HGS: variants seen among roughly 807,000 people sequenced by gnomAD.
The protein encoded by HGS is hepatocyte growth factor-regulated tyrosine kinase substrate, also known as human growth factor-regulated tyrosine kinase substrate.
In HGS, 63 loss-of-function variants were observed where a neutral mutation model predicts 109.7. The ratio of observed to expected loss-of-function variants is 0.57; its 90% CI spans 0.47 to 0.71. HGS has a LOEUF of 0.71. Ranked by LOEUF, HGS falls within the 30% of genes least tolerant of loss-of-function variation. HGS has a pLI of 0.00. For missense variants in HGS, 995 were observed against 1,068.3 expected, an observed-to-expected ratio of 0.93 and a Z score of 0.96; for synonymous variants, 546 against 437.3, an observed-to-expected ratio of 1.25 and a Z score of -3.10.
In HGS at chr17:81,700,535, C is replaced by A; in HGVS notation, c.1951C>A (p.Gln651Lys). 6.2e-7 allele frequency: 1 copy of A among 1,610,390 alleles called. No individual in the cohort carries two copies. The highest frequency in any genetic ancestry group is 8.5e-7 in the Non-Finnish European group (1 of 1,178,276). ...ATGAQAAPQA[Q>K]AGPTASPAYS... ...TGGGGCGCAGGCGGCCCCCCAGGCC[C>A]AGGCCGGACCCACCGCCAGCCCCGC... Residue 651 changes from glutamine to lysine, a missense_variant, in exon 19 of 22, where the codon CAG (glutamine) becomes AAG (lysine). Transcript: ENST00000329138.
rs1159722586 is a variant in HGS at position 81,693,788 on chromosome 17, C to T, written c.840+36C>T. 7 of 1,541,056 alleles carry T rather than the reference C, an allele frequency of 4.5e-6. No individual in the cohort carries two copies. The South Asian group carries it at 8.4e-5, about 18-fold the overall frequency. Reference sequence around the variant, plus strand: ...TGGGGCGGGGCGGCCTCAGGAGGGGCCCAGCTCCCCTGGATGTGCTGCGGT... The same window carrying T: ...TGGGGCGGGGCGGCCTCAGGAGGGGTCCAGCTCCCCTGGATGTGCTGCGGT... On this transcript the variant is annotated intron_variant, in intron 10 of 21. Coordinates refer to ENST00000329138, the MANE Select transcript of HGS (RefSeq NM_004712.5).
At chr17:81,690,600 G>A in intron 6 of HGS, 74 bp from the exon 7 acceptor site, 1 of 1,449,308 alleles carries the variant, frequency 6.9e-7, no homozygotes, top group African/African-American at 1.4e-5. Flanking sequence ...GCCTTCTGTG[G>A]GGCAGGGGAG....
chr17:81,687,258 G>A (rs1031030800), intron 4 of HGS, among the ~76,000 whole-genome samples, 163 bp downstream of exon 4: 3 of 152,230 alleles, frequency 2.0e-5, no homozygotes, highest in African/African-American at 7.2e-5. Context: ...ATGAGTCGGA[G>A]AGACAGGGCC....
intron 4 of HGS, among the ~76,000 whole-genome samples, chr17:81,687,368 C>T (rs780229085): frequency 6.6e-6 from 1 of 152,136 alleles, no homozygotes; most frequent in Non-Finnish European, 1.5e-5. Context: ...CTGGGGGAAG[C>T]TTCCGGGAGG....
At chr17:81,687,433 C>T (rs2036997116) in intron 4 of HGS, among the ~76,000 whole-genome samples, 2 of 152,126 alleles carry the variant, frequency 1.3e-5, no homozygotes, top group Admixed American at 1.3e-4. Flanking sequence ...ACTGGGTGGG[C>T]AGGGCAGGTG....
At chr17:81,699,101 T>G (rs534051720) in intron 18 of HGS, among the ~76,000 whole-genome samples, 1 of 152,200 alleles carries the variant, frequency 6.6e-6, no homozygotes, top group South Asian at 2.1e-4. Context: ...TTAATTCCAG[T>G]ACTTGCAATT....
At chr17:81,699,514 C>T (rs1803759500) in intron 18 of HGS, among the ~76,000 whole-genome samples, 1 of 152,228 alleles carries the variant, frequency 6.6e-6, no homozygotes, top group African/African-American at 2.4e-5. Context: ...CATTCTCCGC[C>T]TCCCAGGTTC....
At chr17:81,697,795 C>T (rs372538577) in intron 18 of HGS, 2 of 152,212 alleles carry the variant, frequency 1.3e-5, no homozygotes, top group African/African-American at 4.8e-5. Flanking sequence ...TCGTCAGTCA[C>T]AGCAGCGTGG....
Position 81,687,087 on chromosome 17 carries a change from C to G in HGS, c.283C>G (p.Leu95Val), listed in dbSNP as rs145530369. 2.0e-4 allele frequency: 321 copies of G among 1,612,576 alleles called. 1 individual carries two copies. In the African/African-American group the frequency reaches 3.5e-3, roughly 17 times the overall value. ...NKQTMEELKD[L>V]LKRQVEVNVR... Reference sequence around the variant, plus strand: ...GCAGACCATGGAGGAGCTGAAGGACCTGCTGAAGGTGGGTGAGACGGGGGC... The same window carrying G: ...GCAGACCATGGAGGAGCTGAAGGACGTGCTGAAGGTGGGTGAGACGGGGGC... Residue 95 changes from leucine to valine, a missense_variant, in exon 4 of 22, where the codon CTG becomes GTG. Leu to Val is a conservative substitution (Grantham distance 32, BLOSUM62 1). Coordinates refer to ENST00000329138, the MANE Select transcript of HGS (RefSeq NM_004712.5).
In HGS at chr17:81,701,739, T is replaced by C. The variant is rs2037241625; in HGVS notation, c.*121T>C. On this transcript the variant is annotated 3_prime_UTR_variant, in exon 22 of 22. Transcript: ENST00000329138. Reference sequence around the variant, plus strand: ...GCCGGTAGTGTCCCTTCTCTGCGAGTGAGGGGGGGCCTTCACCCCAAGCCC... The same window carrying C: ...GCCGGTAGTGTCCCTTCTCTGCGAGCGAGGGGGGGCCTTCACCCCAAGCCC... The C allele has an allele frequency of 5.0e-6, 7 of 1,394,414 alleles. No individual in the cohort carries two copies. The South Asian group carries it at 1.0e-4, about 20-fold the overall frequency. The allele number at this position is 1,394,414 out of a possible 1,614,324, so 86.4% of individuals were successfully genotyped here.
Position 81,693,552 on chromosome 17 carries a change from C to G in HGS, c.712C>G (p.Leu238Val), listed in dbSNP as rs1053513589. The G allele has an allele frequency of 2.5e-6, 4 of 1,612,824 alleles. No individual in the cohort carries two copies. In the Admixed American group the frequency reaches 6.7e-5, roughly 27 times the overall value. Residue 238 changes from leucine (L) to valine (V), a missense_variant, in exon 9 of 22, where the codon CTG (leucine) becomes GTG (valine). Transcript: ENST00000329138. ...CACCACTGAGCTGCCCCCCGAGTAC[C>G]TGACCAGCCCCCTGTCTCAGCAGTC... ...TSTTELPPEY[L>V]TSPLSQQSQL...
chr17:81,684,139 AGCCCGCAGCCTCC>A, intron 1 of HGS, 36 bp downstream of exon 1: 1 of 1,489,194 alleles, frequency 6.7e-7, no homozygotes. Context: ...GGCCTTGGTC[AGCCCGCAGCCTCC>A]GCCCGGCGCT....
At chr17:81,686,501 G>A (rs2051466277) in intron 3 of HGS, 114 bp downstream of exon 3, 1 of 730,322 alleles carries the variant, frequency 1.4e-6, no homozygotes, top group Non-Finnish European at 2.4e-6. Context: ...CATACATCAA[G>A]CAGGAGAGTT....
At position 81,695,001 on chromosome 17, in the gene HGS, C is replaced by T. The variant is rs375683197; in HGVS notation, c.1053C>T (p.Pro351=). The T allele has an allele frequency of 1.2e-5, 20 of 1,614,090 alleles. No homozygotes were observed. In the African/African-American group the frequency reaches 1.5e-4, roughly 12 times the overall value. The change falls in exon 13 of 22, where the codon CCC becomes CCT. Residue 351 remains proline (P), a synonymous_variant. Coordinates refer to ENST00000329138, the MANE Select transcript of HGS (RefSeq NM_004712.5). ...EARKSPTPSA[P]VPLTEPAAQP... ...GCAAGAGCCCCACGCCATCTGCGCC[C>T]GTGCCCCTGACGGAGCCGGCTGCAC...
rs1295504141 is a variant in HGS at position 81,695,827 on chromosome 17, G to A, written c.1221G>A (p.Gln407=). Residue 407 remains glutamine (Q), a synonymous_variant, in exon 15 of 22, where the codon CAG becomes CAA. Coordinates refer to ENST00000329138, the MANE Select transcript of HGS (RefSeq NM_004712.5). ...GCGAGTCTGAGGAGAGCCACGAGCA[G>A]TTCCTGAAGGCGCTGCAGAACGCCG... The part of the protein sequence containing the change: ...HNGESEESHE[Q]FLKALQNAVT... 1 of 1,613,472 alleles carries A rather than the reference G, an allele frequency of 6.2e-7. No individual in the cohort carries two copies. Among genetic ancestry groups the A allele is most frequent in the African/African-American group, 1.3e-5 (1 of 74,950 alleles).
At position 81,695,867 on chromosome 17, in the gene HGS, A is replaced by C. The variant is rs767174835; in HGVS notation, c.1261A>C (p.Asn421His). The C allele has an allele frequency of 6.2e-7, 1 of 1,613,518 alleles. No homozygotes were observed. Among genetic ancestry groups the C allele is most frequent in the South Asian group, 1.1e-5 (1 of 91,084 alleles). ...ALQNAVTTFV[N>H]RMKSNHMRGR... ...GCAGAACGCCGTCACCACCTTCGTGAACCGCATGAAGAGTAACCACATGCG... is the reference window on the plus strand; with the variant it reads ...GCAGAACGCCGTCACCACCTTCGTGCACCGCATGAAGAGTAACCACATGCG... Residue 421 changes from asparagine (N) to histidine (H), a missense_variant, in exon 15 of 22, where the codon AAC (asparagine) becomes CAC (histidine). Asn to His is a moderately conservative substitution (Grantham distance 68). This residue lies in a region of HGS where 163 missense variants were observed against 217.8 expected (regional missense o/e 0.75). Coordinates refer to ENST00000329138, the MANE Select transcript of HGS (RefSeq NM_004712.5).
Position 81,691,938 on chromosome 17 carries a change from T to C in HGS, c.662+367T>C, listed in dbSNP as rs1394343951. On this transcript the variant is annotated intron_variant, in intron 8 of 21. Coordinates refer to ENST00000329138, the MANE Select transcript of HGS (RefSeq NM_004712.5). The surrounding 1 kb of genome is among the most constrained non-coding windows in gnomAD (Gnocchi z 5.3). ...GGCCAGTGCCTCAGCGGTGGGAACC[T>C]GCGGGGCCGCGGCCGGTGCCTCGGC... The C allele has an allele frequency of 1.0e-5, 2 of 193,794 alleles. No homozygotes were observed. The highest frequency in any genetic ancestry group is 2.6e-4 in the East Asian group (2 of 7,662). 12.0% of individuals were successfully genotyped at this position (193,794 alleles called of 1,614,324 possible). A position where few individuals can be genotyped will look rare whatever the true frequency, so the allele number is the denominator to read the frequency against.
rs771492798 is a variant in HGS at position 81,695,851 on chromosome 17, C to T, written c.1245C>T (p.Ala415=). ...HEQFLKALQN[A]VTTFVNRMKS... ...AGTTCCTGAAGGCGCTGCAGAACGCCGTCACCACCTTCGTGAACCGCATGA... is the reference window on the plus strand; with the variant it reads ...AGTTCCTGAAGGCGCTGCAGAACGCTGTCACCACCTTCGTGAACCGCATGA... The change falls in exon 15 of 22, where the codon GCC becomes GCT. Residue 415 remains alanine, a synonymous_variant. Transcript: ENST00000329138. 5.0e-6 allele frequency: 8 copies of T among 1,613,540 alleles called. No homozygotes were observed. In the East Asian group the frequency reaches 6.7e-5, roughly 13 times the overall value.
At chr17:81,693,422 C>A in intron 8 of HGS, 81 bp from the exon 9 acceptor site, 1 of 1,043,830 alleles carries the variant, frequency 9.6e-7, no homozygotes, top group Non-Finnish European at 1.5e-6. Flanking sequence ...TAGAGGAGCC[C>A]GCAGAGGTGT....
Sources: allele counts gnomAD v4.1 joint callset (sites outside exome capture counted in the v4.1 genomes callset), GRCh38; gene constraint gnomAD v4.1.1; regional missense constraint gnomAD v4.1.1; non-coding constraint Gnocchi (gnomAD v3.1); transcripts MANE v1.5; gene names NCBI Gene and HGNC (gene_info 2026-07-23, HGNC 2026-07-21).